The following KHDRBS2 variants were observed in gnomAD, a reference collection of about 807,000 sequenced individuals.
KHDRBS2 encodes KH RNA binding domain containing, signal transduction associated 2.
A neutral mutation model predicts 44.3 loss-of-function variants in KHDRBS2; 26 were observed. That is an observed-to-expected ratio of 0.59 (90% CI 0.43 to 0.81). KHDRBS2 has a LOEUF of 0.81. Among genes scored for constraint, KHDRBS2 ranks in the 40% least tolerant of loss-of-function variants. The pLI, the probability that KHDRBS2 is intolerant of heterozygous loss-of-function variation, is 0.00. For synonymous variants in KHDRBS2, 194 were observed against 151.1 expected, an observed-to-expected ratio of 1.28 and a Z score of -2.08; for missense variants, 476 against 433.1, an observed-to-expected ratio of 1.10 and a Z score of -0.88.
the KHDRBS2 span, among the ~76,000 whole-genome samples, chr6:61,645,076 C>T: frequency 1.3e-5 from 2 of 151,884 alleles, no homozygotes; most frequent in Non-Finnish European, 2.9e-5. Flanking sequence ...AAATGCCCAT[C>T]AATGAAAAAT....
At chr6:62,212,182 C>T (rs759468178) in intron 1 of KHDRBS2, among the ~76,000 whole-genome samples, 3 of 152,090 alleles carry the variant, frequency 2.0e-5, no homozygotes, top group African/African-American at 7.2e-5. Context: ...CAATGTAGAA[C>T]TTTCATCTCC....
At chr6:62,242,772 T>C (rs1834900808) in intron 1 of KHDRBS2, among the ~76,000 whole-genome samples, 1 of 152,172 alleles carries the variant, frequency 6.6e-6, no homozygotes, top group Non-Finnish European at 1.5e-5. Context: ...AACAAGGTAA[T>C]CTCTTTCAGA....
chr6:62,006,950 A>C (rs1354827520), intron 3 of KHDRBS2, among the ~76,000 whole-genome samples: 2 of 152,030 alleles, frequency 1.3e-5, no homozygotes, highest in Non-Finnish European at 2.9e-5. Flanking sequence ...ATTCAAATGT[A>C]CTGAAAGTTA....
chr6:61,676,578 T>A (rs776222853), downstream of KHDRBS2, among the ~76,000 whole-genome samples: 4 of 151,912 alleles, frequency 2.6e-5, no homozygotes, highest in Admixed American at 6.6e-5. Context: ...TACTGCATCC[T>A]CCCTGCCTTC....
intron 1 of KHDRBS2, among the ~76,000 whole-genome samples, chr6:62,182,169 A>C (rs951099671): frequency 6.6e-6 from 1 of 151,966 alleles, no homozygotes; most frequent in Admixed American, 6.6e-5. Flanking sequence ...ATAAATGTTT[A>C]TTGTTTGTAA....
chr6:61,607,868 A>G, the KHDRBS2 span, among the ~76,000 whole-genome samples: 4 of 152,034 alleles, frequency 2.6e-5, no homozygotes, highest in Admixed American at 1.3e-4. Flanking sequence ...TTGTATTTTT[A>G]GTAGAGATTG....
intron 7 of KHDRBS2, among the ~76,000 whole-genome samples, chr6:61,715,409 C>T (rs531145231): frequency 1.3e-5 from 2 of 151,902 alleles, no homozygotes; most frequent in South Asian, 4.2e-4. Flanking sequence ...TTTCTTGTTT[C>T]CTTCCTATCG....
intron 2 of KHDRBS2, among the ~76,000 whole-genome samples, chr6:62,146,644 AT>A (rs1426912116): frequency 6.6e-6 from 1 of 151,756 alleles, no homozygotes; most frequent in Non-Finnish European, 1.5e-5. Flanking sequence ...TAATAGATTT[AT>A]TTTTTTAAAT....
chr6:62,044,194 G>A (rs1311766690), intron 3 of KHDRBS2, among the ~76,000 whole-genome samples: 1 of 152,010 alleles, frequency 6.6e-6, no homozygotes, highest in Non-Finnish European at 1.5e-5. Context: ...AGTGCTCACA[G>A]TGGCTCACAT....
chr6:62,073,895 G>T (rs183848985), intron 2 of KHDRBS2, among the ~76,000 whole-genome samples: 1 of 151,686 alleles, frequency 6.6e-6, no homozygotes, highest in Non-Finnish European at 1.5e-5. Context: ...AAAGAAGAAC[G>T]GCAGATCACT....
intron 1 of KHDRBS2, among the ~76,000 whole-genome samples, chr6:62,232,610 T>C (rs1833064940): frequency 1.3e-5 from 2 of 152,150 alleles, no homozygotes; most frequent in Non-Finnish European, 1.5e-5. Flanking sequence ...CAAATGTACC[T>C]GAAATACACA....
At chr6:61,934,575 C>T (rs1486148461) in intron 4 of KHDRBS2, among the ~76,000 whole-genome samples, 1 of 152,098 alleles carries the variant, frequency 6.6e-6, no homozygotes, top group Non-Finnish European at 1.5e-5. Context: ...TCCAGTGTAA[C>T]ATAAACTTGT....
At chr6:61,868,281 C>T (rs939540107) in intron 6 of KHDRBS2, among the ~76,000 whole-genome samples, 18 of 152,148 alleles carry the variant, frequency 1.2e-4, no homozygotes, top group African/African-American at 3.9e-4. Context: ...GACTCTAAAG[C>T]CCACAGGCTG....
At chr6:62,163,537 G>A (rs1247651539) in intron 2 of KHDRBS2, among the ~76,000 whole-genome samples, 1 of 151,996 alleles carries the variant, frequency 6.6e-6, no homozygotes, top group African/African-American at 2.4e-5. Context: ...CCCAACTAAT[G>A]AGTAGTTTAT....
At chr6:61,567,595 C>T in the KHDRBS2 span, among the ~76,000 whole-genome samples, 5 of 152,218 alleles carry the variant, frequency 3.3e-5, no homozygotes, top group Admixed American at 6.5e-5. Context: ...GAGAGGTGTT[C>T]GTGCCACTGC....
chr6:61,669,453 T>A, the KHDRBS2 span, among the ~76,000 whole-genome samples: 1 of 150,884 alleles, frequency 6.6e-6, no homozygotes, highest in Non-Finnish European at 1.5e-5. Flanking sequence ...TAATGATGAT[T>A]TCTTAACAAC....
chr6:61,842,824 C>T (rs1793777579), intron 6 of KHDRBS2, among the ~76,000 whole-genome samples: 1 of 152,022 alleles, frequency 6.6e-6, no homozygotes, highest in East Asian at 1.9e-4. Flanking sequence ...ACCCAAATGT[C>T]CATTAACTGA....
At chr6:61,860,071 A>G (rs1413110504) in intron 6 of KHDRBS2, among the ~76,000 whole-genome samples, 2 of 151,938 alleles carry the variant, frequency 1.3e-5, no homozygotes, top group East Asian at 3.9e-4. Flanking sequence ...TTGAAATTAC[A>G]AGAGCTCCTA....
chr6:61,776,066 G>T (rs1354201972), intron 6 of KHDRBS2, among the ~76,000 whole-genome samples: 1 of 152,156 alleles, frequency 6.6e-6, no homozygotes, highest in African/African-American at 2.4e-5. Context: ...AATAAATGGT[G>T]CTGGGAAAAC....
Sources: allele counts gnomAD v4.1 joint callset (sites outside exome capture counted in the v4.1 genomes callset), GRCh38; gene constraint gnomAD v4.1.1; transcripts MANE v1.5; gene names NCBI Gene and HGNC (gene_info 2026-07-23, HGNC 2026-07-21).